The following RBFOX1 variants were observed in gnomAD, a reference collection of about 807,000 sequenced individuals.
The protein encoded by RBFOX1 is RNA binding protein fox-1 homolog 1.
Under a neutral mutation model 57.7 loss-of-function variants are expected in RBFOX1, and 8 were observed. The ratio of observed to expected loss-of-function variants is 0.14; its 90% CI spans 0.08 to 0.25. The LOEUF is 0.25. Ranked by LOEUF, RBFOX1 falls within the 10% of genes least tolerant of loss-of-function variation. RBFOX1 has a pLI of 1.00. For missense variants in RBFOX1, 611 were observed against 548.5 expected (o/e 1.11, Z -1.14); for synonymous variants, 326 against 222.4 (o/e 1.47, Z -4.15).
At chr16:7,172,709 C>T (rs1211739959) in intron 4 of RBFOX1, among the ~76,000 whole-genome samples, 1 of 152,160 alleles carries the variant, frequency 6.6e-6, no homozygotes, top group East Asian at 1.9e-4. Context: ...GATCTTGACA[C>T]ACAATGATGA....
intron 3 of RBFOX1, among the ~76,000 whole-genome samples, chr16:5,791,827 C>T (rs889898513): frequency 6.6e-6 from 1 of 152,172 alleles, no homozygotes; most frequent in Non-Finnish European, 1.5e-5. Context: ...CCACTTAAGG[C>T]CACTTTGCTC....
At chr16:7,028,579 C>G (rs8062957) in intron 3 of RBFOX1, among the ~76,000 whole-genome samples, 66,359 of 117,956 alleles carry the variant, frequency 0.56, 17,737 homozygotes, top group South Asian at 0.65. Flanking sequence ...AAGAGTGAAA[C>G]TCCCTCACAC....
At chr16:7,200,168 A>G (rs1339813986) in intron 4 of RBFOX1, among the ~76,000 whole-genome samples, 1 of 152,212 alleles carries the variant, frequency 6.6e-6, no homozygotes, top group Non-Finnish European at 1.5e-5. Flanking sequence ...CTCCACCTGG[A>G]ATATAATGCA....
At chr16:7,297,345 CAT>C (rs572348678) in intron 4 of RBFOX1, among the ~76,000 whole-genome samples, 2 of 152,190 alleles carry the variant, frequency 1.3e-5, no homozygotes, top group Non-Finnish European at 2.9e-5. Context: ...TCTCCAGAAA[CAT>C]ATGCAGGTTT....
In RBFOX1 at chr16:7,515,462, T is replaced by C. The variant is rs894778081; in HGVS notation, c.28-2685T>C. The stretch of plus-strand genomic sequence containing the variant: ...CTAAGAGGATAGATCTTAAATTAAA[T>C]CTCTCCACACACACATACACACACA... On this transcript the variant is annotated intron_variant, in intron 4 of 15. Coordinates refer to ENST00000550418, the MANE Select transcript of RBFOX1 (RefSeq NM_018723.4). 1.5e-4 allele frequency among the ~76,000 whole-genome samples: 22 copies of C among 150,234 alleles called. 1 individual carries two copies. The highest frequency in any genetic ancestry group is 5.5e-4 in the African/African-American group (22 of 40,332).
intron 4 of RBFOX1, among the ~76,000 whole-genome samples, chr16:7,204,647 A>T (rs1244039236): frequency 6.6e-6 from 1 of 152,184 alleles, no homozygotes. Context: ...CTGTGTCTTA[A>T]GAAAATAAAA....
At chr16:6,688,858 A>G (rs534179048) in intron 3 of RBFOX1, among the ~76,000 whole-genome samples, 4 of 151,758 alleles carry the variant, frequency 2.6e-5, no homozygotes, top group South Asian at 2.1e-4. Context: ...TCATTGTTCA[A>G]CTCCCACTTA....
chr16:6,079,707 A>G (rs1457134062), intron 1 of RBFOX1, among the ~76,000 whole-genome samples: 1 of 152,112 alleles, frequency 6.6e-6, no homozygotes, highest in Non-Finnish European at 1.5e-5. Flanking sequence ...GTGATGGCAC[A>G]CACTTGTGAT....
intron 2 of RBFOX1, among the ~76,000 whole-genome samples, chr16:6,546,462 G>A (rs1490238486): frequency 6.6e-6 from 1 of 152,182 alleles, no homozygotes; most frequent in Admixed American, 6.5e-5. Flanking sequence ...AGGGAATTCT[G>A]CCTTGCTTCT....
intron 1 of RBFOX1, among the ~76,000 whole-genome samples, chr16:5,373,076 G>A (rs2065900066): frequency 6.6e-6 from 1 of 152,196 alleles, no homozygotes; most frequent in African/African-American, 2.4e-5. Context: ...GAAACTGGTG[G>A]GAACCCACAG....
At chr16:6,617,988 C>G (rs765221672) in intron 2 of RBFOX1, among the ~76,000 whole-genome samples, 1 of 152,060 alleles carries the variant, frequency 6.6e-6, no homozygotes, top group Non-Finnish European at 1.5e-5. Flanking sequence ...AGAAGGCTAC[C>G]CTTATCTTTT....
At chr16:6,685,510 ACTC>A (rs2059320647) in intron 3 of RBFOX1, among the ~76,000 whole-genome samples, 2 of 142,956 alleles carry the variant, frequency 1.4e-5, no homozygotes, top group Admixed American at 1.4e-4. Context: ...CTGCTGTCGA[ACTC>A]CTCACCTCCG....
intron 2 of RBFOX1, among the ~76,000 whole-genome samples, chr16:6,572,717 C>T (rs560961462): frequency 1.4e-4 from 21 of 152,162 alleles, no homozygotes; most frequent in East Asian, 9.7e-4. Context: ...CTCAGCCTCC[C>T]GAGTAGCTAG....
chr16:6,650,053 A>C (rs1027101604), intron 2 of RBFOX1, among the ~76,000 whole-genome samples: 2 of 152,174 alleles, frequency 1.3e-5, no homozygotes, highest in African/African-American at 2.4e-5. Context: ...TCTCTTTGAC[A>C]TACGGATTTC....
chr16:7,316,640 G>C (rs936908474), intron 4 of RBFOX1, among the ~76,000 whole-genome samples: 5 of 152,164 alleles, frequency 3.3e-5, no homozygotes, highest in African/African-American at 1.2e-4. Flanking sequence ...GCCTTGCCAG[G>C]TGTGATAAAT....
chr16:6,671,904 C>T (rs540493812), intron 3 of RBFOX1, among the ~76,000 whole-genome samples: 22 of 152,278 alleles, frequency 1.4e-4, no homozygotes, highest in Admixed American at 7.2e-4. Context: ...CCTTTTCACA[C>T]GCCAAGTTGC....
At chr16:5,638,582 T>C (rs1326327198) in intron 3 of RBFOX1, among the ~76,000 whole-genome samples, 2 of 152,208 alleles carry the variant, frequency 1.3e-5, no homozygotes, top group African/African-American at 4.8e-5. Context: ...AGTGGGGTTA[T>C]AGGAATGGGA....
At chr16:7,251,067 T>G (rs2153020587) in intron 4 of RBFOX1, among the ~76,000 whole-genome samples, 1 of 152,296 alleles carries the variant, frequency 6.6e-6, no homozygotes, top group South Asian at 2.1e-4. Flanking sequence ...ATACATGTCA[T>G]TAACTATAGT....
chr16:7,496,108 C>G (rs932469915), intron 4 of RBFOX1, among the ~76,000 whole-genome samples: 1 of 152,126 alleles, frequency 6.6e-6, no homozygotes, highest in Non-Finnish European at 1.5e-5. Context: ...TGCACACATC[C>G]TACCTTCTGG....
Sources: allele counts gnomAD v4.1 joint callset (sites outside exome capture counted in the v4.1 genomes callset), GRCh38; gene constraint gnomAD v4.1.1; transcripts MANE v1.5; gene names NCBI Gene and HGNC (gene_info 2026-07-23, HGNC 2026-07-21).